Variants in C12orf42 observed in about 807,000 individuals in gnomAD.
C12orf42 encodes uncharacterized protein C12orf42.
A neutral mutation model predicts 21.6 loss-of-function variants in C12orf42; 25 were observed. The ratio of observed to expected loss-of-function variants is 1.16; its 90% CI spans 0.84 to 1.62. The LOEUF (loss-of-function observed/expected upper bound fraction) is 1.62. Ranked by LOEUF, C12orf42 falls within the 40% of genes most tolerant of loss-of-function variation. The pLI, the probability that C12orf42 is intolerant of heterozygous loss-of-function variation, is 0.00. For synonymous variants in C12orf42, 174 were observed against 175.0 expected (o/e 0.99, Z 0.05); for missense variants, 483 against 459.3 (o/e 1.05, Z -0.47).
intron 2 of C12orf42, among the ~76,000 whole-genome samples, chr12:103,438,746 G>A (rs1383330748): frequency 6.6e-6 from 1 of 151,810 alleles, no homozygotes; most frequent in Non-Finnish European, 1.5e-5. Context: ...CACTGCTCAA[G>A]GAAATCAAAG....
At chr12:103,069,077 A>G in the C12orf42 span, among the ~76,000 whole-genome samples, 1 of 144,852 alleles carries the variant, frequency 6.9e-6, no homozygotes, top group African/African-American at 2.5e-5. Context: ...TTGTTCTCTG[A>G]CTCCGCTTAG....
intron 4 of C12orf42, among the ~76,000 whole-genome samples, chr12:103,316,116 TACAC>T (rs150989368): frequency 6.7e-6 from 1 of 150,002 alleles, no homozygotes; most frequent in African/African-American, 2.5e-5. Flanking sequence ...AGTATATATA[TACAC>T]ACACACACAG....
At chr12:103,139,115 G>T in the C12orf42 span, among the ~76,000 whole-genome samples, 1 of 152,006 alleles carries the variant, frequency 6.6e-6, no homozygotes, top group Non-Finnish European at 1.5e-5. Flanking sequence ...CAAACAAAAA[G>T]AAATAATACC....
At chr12:103,294,904 C>G (rs1044755650) in intron 4 of C12orf42, among the ~76,000 whole-genome samples, 1 of 152,102 alleles carries the variant, frequency 6.6e-6, no homozygotes, top group Non-Finnish European at 1.5e-5. Flanking sequence ...CTGATCCTCT[C>G]CCTCCTCCCA....
At chr12:103,402,439 C>T (rs1023245746) in intron 2 of C12orf42, among the ~76,000 whole-genome samples, 1 of 152,134 alleles carries the variant, frequency 6.6e-6, no homozygotes, top group African/African-American at 2.4e-5. Flanking sequence ...TTTAGTCATG[C>T]TCCTCAAGGT....
chr12:103,195,744 A>G, the C12orf42 span, among the ~76,000 whole-genome samples: 1 of 151,908 alleles, frequency 6.6e-6, no homozygotes, highest in African/African-American at 2.4e-5. Context: ...TCATCTGTTT[A>G]CTCTGTTGAC....
At chr12:103,525,958 G>A in the C12orf42 span, among the ~76,000 whole-genome samples, 757 of 152,262 alleles carry the variant, frequency 5.0e-3, 5 homozygotes, top group African/African-American at 0.016. Flanking sequence ...AACCGAAGGC[G>A]GAGGTTGCAG....
intron 10 of C12orf42, among the ~76,000 whole-genome samples, chr12:103,242,556 T>A (rs987956708): frequency 3.3e-5 from 5 of 152,216 alleles, no homozygotes; most frequent in Admixed American, 2.6e-4. Context: ...CTTAAAAAAA[T>A]TTAAAAGGTC....
chr12:103,254,680 G>A (rs534912806), intron 10 of C12orf42, among the ~76,000 whole-genome samples: 28 of 152,244 alleles, frequency 1.8e-4, no homozygotes, highest in Middle Eastern at 3.4e-3. Context: ...AAAACACTGC[G>A]TGTCCTCACT....
the C12orf42 span, among the ~76,000 whole-genome samples, chr12:103,176,744 G>T: frequency 6.6e-6 from 1 of 152,126 alleles, no homozygotes; most frequent in African/African-American, 2.4e-5. Flanking sequence ...TCTTCATGCT[G>T]TACTACCTCA....
rs1593398751 is a variant in C12orf42 at position 103,316,164 on chromosome 12, C to G, written c.260-9819G>C. On this transcript the variant is annotated intron_variant, in intron 4 of 5. Transcript: ENST00000548883. ...AGTACTGTATATATATATACTGATA[C>G]CAATATATATACTGATATAAATAGT... Among the ~76,000 whole-genome samples the G allele has an allele frequency of 3.3e-5, 5 of 149,928 alleles. No individual in the cohort carries two copies. The South Asian group carries it at 1.1e-3, about 32-fold the overall frequency.
chr12:103,144,107 T>C, the C12orf42 span, among the ~76,000 whole-genome samples: 1 of 152,164 alleles, frequency 6.6e-6, no homozygotes, highest in Non-Finnish European at 1.5e-5. Context: ...TGAAAGAAAA[T>C]ATAAACTTGG....
chr12:103,068,943 A>C, the C12orf42 span, among the ~76,000 whole-genome samples: 117 of 17,516 alleles, frequency 6.7e-3, 2 homozygotes, highest in Non-Finnish European at 0.01. Flanking sequence ...ACATATATAT[A>C]TATATATATA....
At chr12:103,498,875 G>T (rs1955642777), upstream of C12orf42, among the ~76,000 whole-genome samples, 1 of 150,568 alleles carries the variant, frequency 6.6e-6, no homozygotes, top group Admixed American at 6.6e-5. Flanking sequence ...CTGTTGGGGG[G>T]TGGGGTTGGG....
At chr12:103,525,198 T>C in the C12orf42 span, among the ~76,000 whole-genome samples, 1 of 152,150 alleles carries the variant, frequency 6.6e-6, no homozygotes, top group East Asian at 1.9e-4. Context: ...TGTTTTATTT[T>C]TGATAGAGAT....
intron 2 of C12orf42, among the ~76,000 whole-genome samples, chr12:103,458,482 T>C (rs990244620): frequency 2.0e-5 from 3 of 152,140 alleles, no homozygotes; most frequent in African/African-American, 7.2e-5. Flanking sequence ...CTGGGCACCT[T>C]ACTTACTGTC....
Position 103,435,917 on chromosome 12 carries a change from C to T in C12orf42, c.79-34242G>A, listed in dbSNP as rs527382873. On this transcript the variant is annotated intron_variant, in intron 2 of 5. Transcript: ENST00000548883. ...TACAGAGAACGCCACAAAGATACTC[C>T]TCGAGAAGAGCAACTCCAAGACACA... is the stretch of plus-strand genomic sequence containing the variant. Among the ~76,000 whole-genome samples, 5 of 149,434 alleles carry T rather than the reference C, an allele frequency of 3.3e-5. No homozygotes were observed. In the South Asian group the frequency reaches 8.5e-4, roughly 25 times the overall value.
intron 4 of C12orf42, among the ~76,000 whole-genome samples, chr12:103,361,157 T>C (rs1012155334): frequency 2.6e-5 from 4 of 152,048 alleles, no homozygotes; most frequent in Admixed American, 1.3e-4. Flanking sequence ...ATGAAGAAAG[T>C]GGTTTCCTCC....
chr12:103,093,252 T>C, the C12orf42 span, among the ~76,000 whole-genome samples: 1 of 152,190 alleles, frequency 6.6e-6, no homozygotes, highest in Admixed American at 6.5e-5. Flanking sequence ...TTGTTAAACC[T>C]GCTTTAAGGT....
Sources: gnomAD v4.1 joint callset for allele counts (sites outside exome capture counted in the v4.1 genomes callset) on GRCh38, gnomAD v4.1.1 for gene constraint, MANE v1.5 for transcripts, NCBI Gene and HGNC (gene_info 2026-07-23, HGNC 2026-07-21) for gene names.